Variants in THSD7A observed in about 807,000 individuals in gnomAD.
THSD7A encodes thrombospondin type 1 domain containing 7A, also known as thrombospondin type-1 domain-containing protein 7A.
THSD7A carries 96 observed loss-of-function variants against 231.3 expected under a neutral mutation model. That is an observed-to-expected ratio of 0.41 (90% CI 0.35 to 0.49). The LOEUF is 0.49. THSD7A is among the 20% of genes least tolerant of loss of function. The probability of loss-of-function intolerance (pLI) is 0.05; values close to 1 mark genes in which losing one functional copy is unlikely to be tolerated. For missense variants in THSD7A, 2,290 were observed against 2,070.2 expected (o/e 1.11, Z -2.06); for synonymous variants, 940 against 743.3 (o/e 1.26, Z -4.30).
intron 1 of THSD7A, among the ~76,000 whole-genome samples, chr7:11,774,035 A>C (rs970847142): frequency 6.6e-6 from 1 of 152,238 alleles, no homozygotes; most frequent in Admixed American, 6.5e-5. Context: ...AGAATTACCC[A>C]AACAGTAATA....
chr7:11,798,895 T>G (rs181796874), intron 1 of THSD7A, among the ~76,000 whole-genome samples: 1 of 151,704 alleles, frequency 6.6e-6, no homozygotes, highest in East Asian at 1.9e-4. Context: ...AGTATATGTA[T>G]TTTGGTTTAA....
intron 15 of THSD7A, among the ~76,000 whole-genome samples, chr7:11,425,089 T>G (rs891255695): frequency 6.6e-6 from 1 of 152,170 alleles, no homozygotes; most frequent in African/African-American, 2.4e-5. Context: ...ATAGGTTACA[T>G]ATTTTCCTAT....
chr7:11,451,621 A>G (rs1159231099), intron 11 of THSD7A, among the ~76,000 whole-genome samples: 1 of 152,048 alleles, frequency 6.6e-6, no homozygotes, highest in Non-Finnish European at 1.5e-5. Flanking sequence ...TAATTCTAGA[A>G]TGTTTTCACG....
chr7:11,548,645 C>G (rs917665592), intron 4 of THSD7A, among the ~76,000 whole-genome samples: 17 of 152,192 alleles, frequency 1.1e-4, no homozygotes, highest in African/African-American at 4.1e-4. Flanking sequence ...AGTAACACAT[C>G]AGAAAGCTGA....
chr7:11,651,203 A>T (rs1173970636), intron 1 of THSD7A, among the ~76,000 whole-genome samples: 1 of 152,084 alleles, frequency 6.6e-6, no homozygotes, highest in Non-Finnish European at 1.5e-5. Flanking sequence ...ATACTGTATG[A>T]TCCCATTTAT....
intron 4 of THSD7A, among the ~76,000 whole-genome samples, chr7:11,544,460 A>G (rs1458092170): frequency 6.6e-6 from 1 of 152,182 alleles, no homozygotes; most frequent in African/African-American, 2.4e-5. Context: ...TAAATAATGG[A>G]TGCTTAGCTA....
chr7:11,675,776 T>C (rs1474996623), intron 1 of THSD7A, among the ~76,000 whole-genome samples: 5 of 152,192 alleles, frequency 3.3e-5, no homozygotes, highest in East Asian at 1.9e-4. Flanking sequence ...AAGGGGCTTA[T>C]AGATAAAACT....
chr7:11,789,560 CT>C (rs5882324), intron 1 of THSD7A, among the ~76,000 whole-genome samples: 48,615 of 147,864 alleles, frequency 0.33, 8,349 homozygotes, highest in Middle Eastern at 0.55. Context: ...ATTTATTTGT[CT>C]TTTTTTTTTT....
chr7:11,700,249 A>G (rs1426692778), intron 1 of THSD7A, among the ~76,000 whole-genome samples: 4 of 151,168 alleles, frequency 2.6e-5, no homozygotes, highest in Non-Finnish European at 4.4e-5. Flanking sequence ...AACTCAGGGG[A>G]TAAAAGGAGG....
chr7:11,817,173 T>C (rs994777274), intron 1 of THSD7A, among the ~76,000 whole-genome samples: 3 of 152,152 alleles, frequency 2.0e-5, no homozygotes, highest in African/African-American at 7.2e-5. Context: ...ACACACATAA[T>C]GCATTTCAGG....
At chr7:11,775,733 C>G (rs1293560592) in intron 1 of THSD7A, among the ~76,000 whole-genome samples, 1 of 152,010 alleles carries the variant, frequency 6.6e-6, no homozygotes, top group Non-Finnish European at 1.5e-5. Context: ...TTCAGTTTTG[C>G]AAGGTGAAAA....
intron 1 of THSD7A, among the ~76,000 whole-genome samples, chr7:11,740,109 C>A (rs1782057848): frequency 6.6e-6 from 1 of 151,908 alleles, no homozygotes; most frequent in South Asian, 2.1e-4. Context: ...CCTACAACTC[C>A]AGATTATGCT....
chr7:11,818,414 C>A lies in THSD7A; in HGVS notation c.190+13343G>T, dbSNP rs975651131. Among the ~76,000 whole-genome samples, 4 of 152,290 alleles carry A rather than the reference C, an allele frequency of 2.6e-5. No homozygotes were observed. The East Asian group carries it at 7.7e-4, about 29-fold the overall frequency. On this transcript the variant is annotated intron_variant, in intron 1 of 27. Coordinates refer to ENST00000423059, the MANE Select transcript of THSD7A (RefSeq NM_015204.3). ...TATTCTTACGCACACCAACTATCCA[C>A]TTCTGGGTCATTGTTTACCTGTCTC... is the stretch of plus-strand genomic sequence containing the variant.
intron 4 of THSD7A, among the ~76,000 whole-genome samples, chr7:11,586,127 T>G (rs1265531944): frequency 6.6e-6 from 1 of 152,150 alleles, no homozygotes; most frequent in Non-Finnish European, 1.5e-5. Context: ...TGCTTAGAAA[T>G]ACAATAAATT....
chr7:11,622,467 G>C (rs1248541596), intron 2 of THSD7A, among the ~76,000 whole-genome samples: 5 of 152,062 alleles, frequency 3.3e-5, no homozygotes, highest in African/African-American at 1.2e-4. Flanking sequence ...CATAGGTAAA[G>C]CAGGGATTTT....
chr7:11,803,333 C>T (rs1377056573), intron 1 of THSD7A, among the ~76,000 whole-genome samples: 1 of 152,118 alleles, frequency 6.6e-6, no homozygotes, highest in African/African-American at 2.4e-5. Context: ...AGCAAAGTCA[C>T]ATGTGATGTA....
At position 11,411,784 on chromosome 7, in the gene THSD7A, C is replaced by A. The variant is rs938347075; in HGVS notation, c.3683-462G>T. 6.6e-6 allele frequency among the ~76,000 whole-genome samples: 1 copy of A among 151,996 alleles called. No individual in the cohort carries two copies. The highest frequency in any genetic ancestry group is 1.5e-5 in the Non-Finnish European group (1 of 67,990). On this transcript the variant is annotated intron_variant, in intron 18 of 27. Transcript: ENST00000423059. The surrounding 1 kb of genome is among the most constrained non-coding windows in gnomAD (Gnocchi z 4.1). ...TATTTAGAATGCAAGAAAATGCATA[C>A]GTTTATTAAAGTGATAAAAATCACT...
At chr7:11,628,838 T>A (rs1191469414) in intron 2 of THSD7A, among the ~76,000 whole-genome samples, 1 of 152,184 alleles carries the variant, frequency 6.6e-6, no homozygotes, top group Non-Finnish European at 1.5e-5. Flanking sequence ...TAGCTATTAT[T>A]TCTCAATCAG....
intron 1 of THSD7A, among the ~76,000 whole-genome samples, chr7:11,756,656 G>T (rs1429698996): frequency 2.0e-5 from 3 of 152,052 alleles, no homozygotes; most frequent in Non-Finnish European, 4.4e-5. Flanking sequence ...GATGTGATTA[G>T]ATAGGGCAAG....
Sources: gnomAD v4.1 joint callset for allele counts (sites outside exome capture counted in the v4.1 genomes callset) on GRCh38, gnomAD v4.1.1 for gene constraint, Gnocchi (gnomAD v3.1) non-coding constraint, MANE v1.5 for transcripts, NCBI Gene and HGNC (gene_info 2026-07-23, HGNC 2026-07-21) for gene names.